LZTS1: variants seen among roughly 807,000 people sequenced by gnomAD.
The protein encoded by LZTS1 is leucine zipper putative tumor suppressor 1.
A neutral mutation model predicts 45.8 loss-of-function variants in LZTS1; 31 were observed. That is an observed-to-expected ratio of 0.68 (90% CI 0.51 to 0.91). The LOEUF (loss-of-function observed/expected upper bound fraction) is 0.91. Among genes scored for constraint, LZTS1 ranks in the 40% least tolerant of loss-of-function variants. The pLI is 0.00. For synonymous variants in LZTS1, 359 were observed against 357.3 expected (o/e 1.00, Z -0.05); for missense variants, 821 against 788.9 (o/e 1.04, Z -0.49).
At chr8:20,287,110 C>T (rs150464263) in intron 1 of LZTS1, among the ~76,000 whole-genome samples, 2 of 152,314 alleles carry the variant, frequency 1.3e-5, no homozygotes, top group East Asian at 3.9e-4. Flanking sequence ...TCACAATAAT[C>T]CTACGAGGTG....
At position 20,257,761 on chromosome 8, in the gene LZTS1, G is replaced by A. The variant is rs112358272; in HGVS notation, c.-134-2446C>T. Among the ~76,000 whole-genome samples, 186 of 148,848 alleles carry A rather than the reference G, an allele frequency of 1.2e-3. 3 individuals carry two copies. The highest frequency in any genetic ancestry group is 4.1e-3 in the African/African-American group (165 of 40,274). On this transcript the variant is annotated intron_variant, in intron 1 of 3. Transcript: ENST00000381569. ...CTTGGCTCACTGCAACCTCCACCTC[G>A]CGGGTTCAAATGATTCTCCCACCTC...
intron 1 of LZTS1, among the ~76,000 whole-genome samples, chr8:20,276,355 TGGG>T: frequency 6.6e-6 from 1 of 151,966 alleles, no homozygotes; most frequent in Non-Finnish European, 1.5e-5. Context: ...CCCTAACCTC[TGGG>T]GAGGAGAGAG....
At chr8:20,292,676 C>T (rs534069338) in intron 1 of LZTS1, among the ~76,000 whole-genome samples, 218 of 152,284 alleles carry the variant, frequency 1.4e-3, no homozygotes, top group African/African-American at 4.9e-3. Context: ...GGACTGAAAG[C>T]GTCTCTCTAC....
At chr8:20,263,677 C>A (rs1169651239) in intron 1 of LZTS1, among the ~76,000 whole-genome samples, 1 of 152,132 alleles carries the variant, frequency 6.6e-6, no homozygotes, top group Non-Finnish European at 1.5e-5. Flanking sequence ...CTCCAGCCTG[C>A]AGCCGCTCCA....
chr8:20,274,135 A>C (rs559589699), intron 1 of LZTS1, among the ~76,000 whole-genome samples: 1 of 152,280 alleles, frequency 6.6e-6, no homozygotes. Flanking sequence ...ATCACTCTGT[A>C]GCACAGCTGC....
intron 1 of LZTS1, among the ~76,000 whole-genome samples, chr8:20,287,498 C>G (rs1800812843): frequency 6.6e-6 from 1 of 152,242 alleles, no homozygotes; most frequent in African/African-American, 2.4e-5. Context: ...TACAGAGGGT[C>G]TATGAGCTTG....
intron 1 of LZTS1, among the ~76,000 whole-genome samples, chr8:20,270,841 G>A (rs1800459246): frequency 1.3e-5 from 2 of 151,474 alleles, no homozygotes; most frequent in African/African-American, 4.9e-5. Flanking sequence ...GTTTGTGTGT[G>A]TGGAGAGGGA....
In LZTS1 at chr8:20,253,922, G is replaced by C. The variant is rs373710783; in HGVS notation, c.346-337C>G. On this transcript the variant is annotated intron_variant, in intron 2 of 3. Coordinates refer to ENST00000381569, the MANE Select transcript of LZTS1 (RefSeq NM_021020.5). ...TGGGGCAAGTTAGGGCATCAGGCTG[G>C]CCGAGCTTGCTGTCCCTCTTTAGGT... 2.1e-3 allele frequency among the ~76,000 whole-genome samples: 320 copies of C among 152,284 alleles called. 3 individuals are homozygous for C. The highest frequency in any genetic ancestry group is 7.6e-3 in the African/African-American group (314 of 41,564).
In LZTS1 at chr8:20,247,612, C is replaced by A. The variant is rs1337615961; in HGVS notation, c.*2110G>T. The A allele has an allele frequency of 6.6e-6, 1 of 152,466 alleles. No individual in the cohort carries two copies. The highest frequency in any genetic ancestry group is 1.9e-4 in the East Asian group (1 of 5,188). The allele number at this position is 152,466 out of a possible 1,614,324, so 9.4% of individuals were successfully genotyped here. ...GGACTAAGAGCAATGGTTTGAAATTCCAGAAAAGCTCCTCTGTCGTTTGAG... is the reference window on the plus strand; with the variant it reads ...GGACTAAGAGCAATGGTTTGAAATTACAGAAAAGCTCCTCTGTCGTTTGAG... On this transcript the variant is annotated 3_prime_UTR_variant, in exon 4 of 4. Transcript: ENST00000381569.
intron 3 of LZTS1, among the ~76,000 whole-genome samples, chr8:20,250,973 G>T (rs1799881037): frequency 6.6e-6 from 1 of 151,226 alleles, no homozygotes. Context: ...CCATACATTT[G>T]CTCATCTATT....
At chr8:20,302,070 G>C (rs951210463) in intron 1 of LZTS1, among the ~76,000 whole-genome samples, 6 of 152,062 alleles carry the variant, frequency 3.9e-5, no homozygotes, top group African/African-American at 1.4e-4. Context: ...AGGACTCCCA[G>C]TTGCTCCATC....
At chr8:20,258,841 C>G (rs754930591) in intron 1 of LZTS1, among the ~76,000 whole-genome samples, 2 of 152,186 alleles carry the variant, frequency 1.3e-5, no homozygotes, top group Non-Finnish European at 2.9e-5. Context: ...AACTCACTTT[C>G]CAGAGCTAAT....
chr8:20,267,556 G>A (rs536001593), intron 1 of LZTS1, among the ~76,000 whole-genome samples: 15 of 152,128 alleles, frequency 9.9e-5, no homozygotes, highest in Non-Finnish European at 1.2e-4. Context: ...TCACTCTGTC[G>A]CCAGGCTGGA....
At position 20,296,862 on chromosome 8, in the gene LZTS1, C is replaced by A. The variant is rs377378532; in HGVS notation, c.-135+6878G>T. ...TGCTGTCTTTGTTCCAGGTGCTGGACGCAACCCACATCACATCTGTTCAGA... is the reference window on the plus strand; with the variant it reads ...TGCTGTCTTTGTTCCAGGTGCTGGAAGCAACCCACATCACATCTGTTCAGA... On this transcript the variant is annotated intron_variant, in intron 1 of 3. Coordinates refer to ENST00000381569, the MANE Select transcript of LZTS1 (RefSeq NM_021020.5). 1.4e-4 allele frequency among the ~76,000 whole-genome samples: 21 copies of A among 152,306 alleles called. 1 individual carries two copies. Among genetic ancestry groups the A allele is most frequent in the African/African-American group, 5.1e-4 (21 of 41,558 alleles).
chr8:20,263,708 C>A (rs1800292754), intron 1 of LZTS1, among the ~76,000 whole-genome samples: 2 of 151,988 alleles, frequency 1.3e-5, no homozygotes, highest in Non-Finnish European at 2.9e-5. Flanking sequence ...GGTGGGCGGA[C>A]CTTAGACCAC....
At chr8:20,289,079 C>T in intron 1 of LZTS1, 1 of 133,906 alleles carries the variant, frequency 7.5e-6, no homozygotes, top group Admixed American at 7.7e-5. Context: ...CATTTGTTTC[C>T]AACTTCACAA....
rs1429062907 is a variant in LZTS1 at position 20,303,647 on chromosome 8, G to T, written c.-135+93C>A. On this transcript the variant is annotated intron_variant, in intron 1 of 3. Transcript: ENST00000381569. ...AAGACCGACGGACGCGCGGACGCACGGACGGTCCGGCCCGGCGAGGGGAAA... is the reference window on the plus strand; with the variant it reads ...AAGACCGACGGACGCGCGGACGCACTGACGGTCCGGCCCGGCGAGGGGAAA... 11 of 963,170 alleles carry T rather than the reference G, an allele frequency of 1.1e-5. No individual in the cohort carries two copies. In the East Asian group the frequency reaches 1.2e-3, roughly 101 times the overall value. The allele number at this position is 963,170 out of a possible 1,614,324, so 59.7% of individuals were successfully genotyped here. A position where few individuals can be genotyped will look rare whatever the true frequency, so the allele number is the denominator to read the frequency against.
At chr8:20,258,657 A>T (rs73214078) in intron 1 of LZTS1, among the ~76,000 whole-genome samples, 87 of 152,306 alleles carry the variant, frequency 5.7e-4, no homozygotes, top group South Asian at 1.0e-3. Flanking sequence ...CGTTATGAGA[A>T]ATTTAAGAAA....
In LZTS1 at chr8:20,250,304, C is replaced by T. The variant is rs747115524; in HGVS notation, c.1209G>A (p.Thr403=). ...LLKQQLKESQ[T]EVNAKASEIL... is the part of the protein sequence containing the mutation. ...TCTCGCTAGCCTTGGCGTTCACCTC[C>T]GTCTGGGACTCCTTCAGCTGCTGCT... Residue 403 remains threonine, a synonymous_variant, in exon 4 of 4, where the codon ACG becomes ACA. Coordinates refer to ENST00000381569, the MANE Select transcript of LZTS1 (RefSeq NM_021020.5). The T allele has an allele frequency of 8.3e-5, 134 of 1,613,318 alleles. No individual in the cohort carries two copies. The Middle Eastern group carries it at 3.0e-3, about 36-fold the overall frequency.
Sources: gnomAD v4.1 joint callset for allele counts (sites outside exome capture counted in the v4.1 genomes callset) on GRCh38, gnomAD v4.1.1 for gene constraint, MANE v1.5 for transcripts, NCBI Gene and HGNC (gene_info 2026-07-23, HGNC 2026-07-21) for gene names.